DENND4B: variants seen among roughly 807,000 people sequenced by gnomAD.
DENND4B encodes DENN domain-containing protein 4B.
In DENND4B, 67 loss-of-function variants were observed where a neutral mutation model predicts 161.0. That is an observed-to-expected ratio of 0.42 (90% CI 0.34 to 0.51). DENND4B has a LOEUF of 0.51. Ranked by LOEUF, DENND4B falls within the 20% of genes least tolerant of loss-of-function variation. DENND4B has a pLI of 0.08. For missense variants in DENND4B, 1,481 were observed against 1,968.0 expected (o/e 0.75, Z 4.68); for synonymous variants, 753 against 813.8 (o/e 0.93, Z 1.27).
At position 153,942,830 on chromosome 1, in the gene DENND4B, C is replaced by G; in HGVS notation, c.570+48G>C. The G allele has an allele frequency of 6.4e-7, 1 of 1,556,654 alleles. No individual in the cohort carries two copies. The highest frequency in any genetic ancestry group is 1.2e-5 in the South Asian group (1 of 81,526). ...TGCCCTTTGTTCCCAGTGTCCACAC[C>G]CACTCTTACACCAAGAGGACCAGGT... On this transcript the variant is annotated intron_variant, in intron 3 of 27. Coordinates refer to ENST00000361217, the MANE Select transcript of DENND4B (RefSeq NM_014856.3). The surrounding 1 kb of genome is among the most constrained non-coding windows in gnomAD (Gnocchi z 6.9).
At position 153,944,206 on chromosome 1, in the gene DENND4B, G is replaced by A; in HGVS notation, c.169C>T (p.Leu57=). ...ITDVAVIARA[L]GEEVPQGYTC... Reference sequence around the variant, plus strand: ...TAGCCCTGGGGCACTTCCTCGCCCAGTGCCCTAGCGATGACTGCCACATCT... The same window carrying A: ...TAGCCCTGGGGCACTTCCTCGCCCAATGCCCTAGCGATGACTGCCACATCT... The change falls in exon 2 of 28, where the codon CTG becomes TTG. Residue 57 remains leucine, a synonymous_variant. Transcript: ENST00000361217. This position sits in a 1 kb window ranked among gnomAD's most constrained non-coding sequence, Gnocchi z 4.8. 2 of 1,609,848 alleles carry A rather than the reference G, an allele frequency of 1.2e-6. No individual in the cohort carries two copies.
chr1:153,942,692 C>G lies in DENND4B; in HGVS notation c.571-67G>C. 1 of 1,499,766 alleles carries G rather than the reference C, an allele frequency of 6.7e-7. No individual in the cohort carries two copies. Among genetic ancestry groups the G allele is most frequent in the Non-Finnish European group, 8.9e-7 (1 of 1,124,910 alleles). 92.9% of individuals were successfully genotyped at this position (1,499,766 alleles called of 1,614,324 possible). A position where few individuals can be genotyped will look rare whatever the true frequency, so the allele number is the denominator to read the frequency against. ...CAAAGGTTTCTGGGGTCCACTTTCT[C>G]TCTACCACCCCTAAATGTTCTTTTG... On this transcript the variant is annotated intron_variant, in intron 3 of 27. Transcript: ENST00000361217. The surrounding 1 kb of genome is among the most constrained non-coding windows in gnomAD (Gnocchi z 6.9).
At chr1:153,943,909 A>T in intron 2 of DENND4B, 149 bp downstream of exon 2, 1 of 830,244 alleles carries the variant, frequency 1.2e-6, no homozygotes, top group Non-Finnish European at 1.8e-6. Flanking sequence ...AGGACTAAGT[A>T]CATACAACTT....
At position 153,930,400 on chromosome 1, in the gene DENND4B, G is replaced by A; in HGVS notation, c.4388C>T (p.Ala1463Val). Reference sequence around the variant, plus strand: ...CAGCTCCTCCTTGCCCATGCTGCTGGCCAGCTTGTTAAAGGCAGACTTGTA... The same window carrying A: ...CAGCTCCTCCTTGCCCATGCTGCTGACCAGCTTGTTAAAGGCAGACTTGTA... Reference protein sequence around the residue: ...KKYKSAFNKLASSMGKEELRH... With the variant: ...KKYKSAFNKLVSSMGKEELRH... The change falls in exon 28 of 28, where the codon GCC becomes GTC. Residue 1463 changes from alanine to valine, a missense_variant. Physicochemically the swap from Ala to Val is moderately conservative, Grantham distance 64. Around this residue, in one of 3 missense-constraint regions of DENND4B, gnomAD observed 336 missense variants for 503.3 expected, o/e 0.67. Coordinates refer to ENST00000361217, the MANE Select transcript of DENND4B (RefSeq NM_014856.3). This position sits in a 1 kb window ranked among gnomAD's most constrained non-coding sequence, Gnocchi z 4.7. 6.2e-7 allele frequency: 1 copy of A among 1,613,972 alleles called. No individual in the cohort carries two copies. The highest frequency in any genetic ancestry group is 8.5e-7 in the Non-Finnish European group (1 of 1,179,858).
In DENND4B at chr1:153,933,788, C is replaced by T; in HGVS notation, c.3025G>A (p.Gly1009Arg). 6.2e-7 allele frequency: 1 copy of T among 1,612,012 alleles called. No individual in the cohort carries two copies. The highest frequency in any genetic ancestry group is 8.5e-7 in the Non-Finnish European group (1 of 1,179,396). ...DGSLSDLSLTGEEPLPGGSPG... is the reference protein window; with the variant it reads ...DGSLSDLSLTREEPLPGGSPG... ...CTGCCTCCAGGGAGCGGCTCCTCCC[C>T]TGTCAGGCTCAGGTCTGAGAGACTT... is the stretch of plus-strand genomic sequence containing the variant. The change falls in exon 20 of 28, where the codon GGG (glycine) becomes AGG (arginine). Residue 1009 changes from glycine (G) to arginine (R), a missense_variant. Coordinates refer to ENST00000361217, the MANE Select transcript of DENND4B (RefSeq NM_014856.3). The surrounding 1 kb of genome is among the most constrained non-coding windows in gnomAD (Gnocchi z 5.7).
Position 153,941,890 on chromosome 1 carries a change from G to C in DENND4B, c.1034C>G (p.Pro345Arg). ...TCACGCTTCCAAGGGTAGGCGGTGG[G>C]GGCCTGAGACGGAGTAGCGGTAAAG... ...TFLYRYSVSGPHRLPLEAHIS... is the reference protein window; with the variant it reads ...TFLYRYSVSGRHRLPLEAHIS... Residue 345 changes from proline (P) to arginine (R), a missense_variant, in exon 6 of 28, where the codon CCC (proline) becomes CGC (arginine). By Grantham distance (103) the Pro-to-Arg change is moderately radical. Coordinates refer to ENST00000361217, the MANE Select transcript of DENND4B (RefSeq NM_014856.3). 6.2e-7 allele frequency: 1 copy of C among 1,612,084 alleles called. No homozygotes were observed. Among genetic ancestry groups the C allele is most frequent in the Non-Finnish European group, 8.5e-7 (1 of 1,179,848 alleles).
Position 153,942,131 on chromosome 1 carries a change from G to A in DENND4B, c.811-18C>T. ...CCATACACCTGGCAGGGGGCAGAAG[G>A]GTAGTCAGGCAGGCCCTGCATAGCC... is the stretch of plus-strand genomic sequence containing the variant. On this transcript the variant is annotated intron_variant, in intron 5 of 27. Transcript: ENST00000361217. This position sits in a 1 kb window ranked among gnomAD's most constrained non-coding sequence, Gnocchi z 6.9. 2 of 1,613,894 alleles carry A rather than the reference G, an allele frequency of 1.2e-6. No individual in the cohort carries two copies. The highest frequency in any genetic ancestry group is 2.2e-5 in the East Asian group (1 of 44,882).
intron 2 of DENND4B, 108 bp from the exon 3 acceptor site, chr1:153,943,238 G>C (rs1679777293): frequency 6.9e-7 from 1 of 1,459,430 alleles, no homozygotes; most frequent in Non-Finnish European, 9.2e-7. Flanking sequence ...TGTACCCACA[G>C]CCTTGTCAAA....
In DENND4B at chr1:153,941,853, G is replaced by A; in HGVS notation, c.1055+16C>T. ...CCTTCCTAACCCCTTCCCAATGGCAGAGGAGCCATGCTCACGCTTCCAAGG... is the reference window on the plus strand; with the variant it reads ...CCTTCCTAACCCCTTCCCAATGGCAAAGGAGCCATGCTCACGCTTCCAAGG... On this transcript the variant is annotated intron_variant, in intron 6 of 27. Coordinates refer to ENST00000361217, the MANE Select transcript of DENND4B (RefSeq NM_014856.3). 2 of 1,602,600 alleles carry A rather than the reference G, an allele frequency of 1.2e-6. No homozygotes were observed. The highest frequency in any genetic ancestry group is 1.7e-6 in the Non-Finnish European group (2 of 1,176,716).
At position 153,944,379 on chromosome 1, in the gene DENND4B, C is replaced by A. The variant is rs751223030; in HGVS notation, c.-5G>T. The A allele has an allele frequency of 1.2e-6, 2 of 1,601,382 alleles. No individual in the cohort carries two copies. Among genetic ancestry groups the A allele is most frequent in the Non-Finnish European group, 1.7e-6 (2 of 1,174,470 alleles). On this transcript the variant is annotated 5_prime_UTR_variant, in exon 2 of 28. Transcript: ENST00000361217. The surrounding 1 kb of genome is among the most constrained non-coding windows in gnomAD (Gnocchi z 4.8). ...GGGGGGCCGCTCCTCCGCCATGGCC[C>A]CCCCCTCACTCACTGCATCTGGAAT...
Position 153,936,223 on chromosome 1 carries a change from C to A in DENND4B, c.2440-35G>T. 6.3e-7 allele frequency: 1 copy of A among 1,580,396 alleles called. No individual in the cohort carries two copies. The highest frequency in any genetic ancestry group is 1.2e-5 in the South Asian group (1 of 86,536). ...GAGAGGCACAGGACAATGGGAGACT[C>A]ACTCTCAACCAAAACCAAAGTCTCA... On this transcript the variant is annotated intron_variant, in intron 16 of 27. Transcript: ENST00000361217. This position sits in a 1 kb window ranked among gnomAD's most constrained non-coding sequence, Gnocchi z 4.1.
rs1331641710 is a variant in DENND4B at position 153,944,242 on chromosome 1, C to T, written c.133G>A (p.Glu45Lys). 1.2e-6 allele frequency: 2 copies of T among 1,602,332 alleles called. No individual in the cohort carries two copies. The highest frequency in any genetic ancestry group is 1.7e-6 in the Non-Finnish European group (2 of 1,173,904). Reference protein sequence around the residue: ...SGPLRPPRPAEPITDVAVIAR... With the variant: ...SGPLRPPRPAKPITDVAVIAR... ...ATGACTGCCACATCTGTGATGGGCT[C>T]AGCTGGCCGGGGAGGGCGCAGGGGC... Residue 45 changes from glutamate (E) to lysine (K), a missense_variant, in exon 2 of 28, where the codon GAG becomes AAG. Glu to Lys is a moderately conservative substitution (Grantham distance 56). This residue lies in a region of DENND4B where 806 missense variants were observed against 1,134.4 expected (regional missense o/e 0.71). Coordinates refer to ENST00000361217, the MANE Select transcript of DENND4B (RefSeq NM_014856.3). The surrounding 1 kb of genome is among the most constrained non-coding windows in gnomAD (Gnocchi z 4.8).
chr1:153,935,900 G>C, intron 17 of DENND4B, 160 bp downstream of exon 17: 1 of 847,586 alleles, frequency 1.2e-6, no homozygotes, highest in East Asian at 2.8e-5. Flanking sequence ...AGAAACTGTA[G>C]GTGCTAAGGC....
chr1:153,938,365 C>A (rs191901549), intron 13 of DENND4B, among the ~76,000 whole-genome samples: 1 of 149,904 alleles, frequency 6.7e-6, no homozygotes, highest in Non-Finnish European at 1.5e-5. Context: ...GCCGATATCG[C>A]GCCACTGCAC....
rs1557857031 is a variant in DENND4B at position 153,941,932 on chromosome 1, CGGAAGGCAG to C, written c.983_991del (p.Pro328_Phe330del). Reference sequence around the variant, plus strand: ...GCGGTAAAGGAAGGTGAGGAAGGCGCGGAAGGCAGGGAAGGCAGGCCAGCGGGACAGCAC... The same window carrying C: ...GCGGTAAAGGAAGGTGAGGAAGGCGCGGAAGGCAGGCCAGCGGGACAGCAC... On this transcript the variant is annotated inframe_deletion, in exon 6 of 28. Coordinates refer to ENST00000361217, the MANE Select transcript of DENND4B (RefSeq NM_014856.3). 4 of 1,612,326 alleles carry C rather than the reference CGGAAGGCAG, an allele frequency of 2.5e-6. No individual in the cohort carries two copies. The highest frequency in any genetic ancestry group is 2.7e-5 in the African/African-American group (2 of 74,910).
chr1:153,935,727 C>G, intron 17 of DENND4B: 1 of 285,440 alleles, frequency 3.5e-6, no homozygotes, highest in Non-Finnish European at 6.9e-6. Flanking sequence ...CTCATCTCCT[C>G]TTCTATAAGA....
chr1:153,945,304 C>T, intron 1 of DENND4B: 1 of 555,830 alleles, frequency 1.8e-6, no homozygotes, highest in Non-Finnish European at 2.9e-6. Flanking sequence ...GGAGGGGAAG[C>T]TGCAACTCAG....
chr1:153,937,289 T>C lies in DENND4B; in HGVS notation c.2232+199A>G, dbSNP rs1242861842. On this transcript the variant is annotated intron_variant, in intron 15 of 27. Coordinates refer to ENST00000361217, the MANE Select transcript of DENND4B (RefSeq NM_014856.3). The surrounding 1 kb of genome is among the most constrained non-coding windows in gnomAD (Gnocchi z 4.7). ...TCCCAGAGTGCTCAGAAGACGGAGG[T>C]GATGATGATGATGATAATGACAGTG... Among the ~76,000 whole-genome samples the C allele has an allele frequency of 2.0e-5, 3 of 151,598 alleles. No homozygotes were observed. Among genetic ancestry groups the C allele is most frequent in the African/African-American group, 7.3e-5 (3 of 41,188 alleles).
In DENND4B at chr1:153,933,104, C is replaced by A. The variant is rs1679067308; in HGVS notation, c.3454-74G>T. ...TCTGGAGCCCATGCCCCTTCCCCAG[C>A]CCCTCCCACCTCCTCCCCATCTCCT... is the stretch of plus-strand genomic sequence containing the variant. On this transcript the variant is annotated intron_variant, in intron 21 of 27. Coordinates refer to ENST00000361217, the MANE Select transcript of DENND4B (RefSeq NM_014856.3). This position sits in a 1 kb window ranked among gnomAD's most constrained non-coding sequence, Gnocchi z 5.7. 1 of 1,609,920 alleles carries A rather than the reference C, an allele frequency of 6.2e-7. No homozygotes were observed. Among genetic ancestry groups the A allele is most frequent in the Admixed American group, 1.7e-5 (1 of 59,798 alleles).
Sources: allele counts gnomAD v4.1 joint callset (sites outside exome capture counted in the v4.1 genomes callset), GRCh38; gene constraint gnomAD v4.1.1; regional missense constraint gnomAD v4.1.1; non-coding constraint Gnocchi (gnomAD v3.1); transcripts MANE v1.5; gene names NCBI Gene and HGNC (gene_info 2026-07-23, HGNC 2026-07-21).